GSE1: variants seen among roughly 807,000 people sequenced by gnomAD.
The protein encoded by GSE1 is genetic suppressor element 1.
GSE1 carries 32 observed loss-of-function variants against 112.6 expected under a neutral mutation model. The ratio of observed to expected loss-of-function variants is 0.28; its 90% CI spans 0.21 to 0.38. The LOEUF is 0.38. GSE1 is among the 10% of genes least tolerant of loss of function. The probability of loss-of-function intolerance (pLI) is 1.00; values close to 1 mark genes in which losing one functional copy is unlikely to be tolerated. For synonymous variants in GSE1, 1,115 were observed against 735.6 expected (o/e 1.52, Z -8.35); for missense variants, 2,348 against 1,699.2 (o/e 1.38, Z -6.71).
intron 2 of GSE1, among the ~76,000 whole-genome samples, chr16:85,639,005 C>T (rs1383352100): frequency 6.6e-6 from 1 of 152,172 alleles, no homozygotes; most frequent in Non-Finnish European, 1.5e-5. Context: ...GGGCCCCACG[C>T]AGAACATTCT....
intron 1 of GSE1, among the ~76,000 whole-genome samples, chr16:85,201,967 AAGAGAG>A (rs1219685877): frequency 6.6e-6 from 1 of 152,190 alleles, no homozygotes; most frequent in Admixed American, 6.5e-5. Flanking sequence ...TGTGGATGGT[AAGAGAG>A]AGAGATACAT....
At chr16:85,644,640 G>A (rs61614795) in intron 2 of GSE1, among the ~76,000 whole-genome samples, 4,956 of 152,258 alleles carry the variant, frequency 0.033, 149 homozygotes, top group South Asian at 0.087. Flanking sequence ...GAGCCAATGC[G>A]TGCGGGGCCT....
At chr16:85,237,801 G>A (rs772978703) in intron 1 of GSE1, among the ~76,000 whole-genome samples, 2 of 150,846 alleles carry the variant, frequency 1.3e-5, no homozygotes, top group South Asian at 2.1e-4. Flanking sequence ...TCGCGCCACC[G>A]CACTCCAGTC....
intron 1 of GSE1, among the ~76,000 whole-genome samples, chr16:85,199,986 C>G (rs1055988975): frequency 3.9e-5 from 6 of 152,182 alleles, no homozygotes; most frequent in Non-Finnish European, 5.9e-5. Flanking sequence ...CCACCAGCCC[C>G]TGCCTGACTT....
intron 2 of GSE1, among the ~76,000 whole-genome samples, chr16:85,515,730 G>A (rs1444101195): frequency 6.6e-6 from 1 of 152,110 alleles, no homozygotes; most frequent in African/African-American, 2.4e-5. Context: ...GAGGTCTGAG[G>A]CTAGGATGGG....
chr16:85,316,212 A>G (rs1365062810), intron 1 of GSE1, among the ~76,000 whole-genome samples: 3 of 152,266 alleles, frequency 2.0e-5, no homozygotes, highest in Non-Finnish European at 2.9e-5. Flanking sequence ...CACGCTTTTA[A>G]AAAGGAAAAG....
At chr16:85,473,224 C>G (rs1292627781) in intron 2 of GSE1, among the ~76,000 whole-genome samples, 2 of 152,234 alleles carry the variant, frequency 1.3e-5, no homozygotes, top group South Asian at 2.1e-4. Flanking sequence ...GTAAAAGGTA[C>G]AGGTCCCTGG....
chr16:85,279,167 A>C (rs2044779861), intron 1 of GSE1: 1 of 152,276 alleles, frequency 6.6e-6, no homozygotes, highest in Non-Finnish European at 1.5e-5. Flanking sequence ...TCAGGGCTAC[A>C]GGGCGATAAA....
At chr16:85,629,108 C>T (rs2049320379) in intron 1 of GSE1, among the ~76,000 whole-genome samples, 1 of 152,226 alleles carries the variant, frequency 6.6e-6, no homozygotes, top group Non-Finnish European at 1.5e-5. Flanking sequence ...GCTTCCCTCG[C>T]CTTCCGCCAT....
Position 85,413,272 on chromosome 16 carries a change from A to T in GSE1, c.2464+55629A>T, listed in dbSNP as rs973337782. On this transcript the variant is annotated intron_variant, in intron 2 of 2. Transcript: ENST00000637419. ...ACGAGAGTGTGGGACACGGGGAACG[A>T]GGTGGGTTGAGGGTTGGGAAGCCAA... Among the ~76,000 whole-genome samples, 11 of 152,192 alleles carry T rather than the reference A, an allele frequency of 7.2e-5. No homozygotes were observed. The South Asian group carries it at 2.3e-3, about 32-fold the overall frequency.
In GSE1 at chr16:85,661,523, C is replaced by A; in HGVS notation, c.2018C>A (p.Pro673His). 2 of 1,612,114 alleles carry A rather than the reference C, an allele frequency of 1.2e-6. No individual in the cohort carries two copies. Among genetic ancestry groups the A allele is most frequent in the Non-Finnish European group, 1.7e-6 (2 of 1,179,740 alleles). The change falls in exon 9 of 16, where the codon CCC becomes CAC. Residue 673 changes from proline (P) to histidine (H), a missense_variant. Physicochemically the swap from Pro to His is moderately conservative, Grantham distance 77. Transcript: ENST00000253458. ...CAGCCCTTCCTGCCCGGGCCCGGGCCCTTCCTGGCTGAGCTCGAGAAGTCC... is the reference window on the plus strand; with the variant it reads ...CAGCCCTTCCTGCCCGGGCCCGGGCACTTCCTGGCTGAGCTCGAGAAGTCC... ...EHQPFLPGPG[P>H]FLAELEKSTQ...
Position 85,635,829 on chromosome 16 carries a change from G to C in GSE1, c.226+1697G>C, listed in dbSNP as rs538621666. On this transcript the variant is annotated intron_variant, in intron 2 of 15. Transcript: ENST00000253458. ...CCCTGGGTAACGCTGCAGAGGACGTGGTCAGGAAAGGGCAGGTTTCCCTCC... is the reference window on the plus strand; with the variant it reads ...CCCTGGGTAACGCTGCAGAGGACGTCGTCAGGAAAGGGCAGGTTTCCCTCC... Among the ~76,000 whole-genome samples the C allele has an allele frequency of 2.4e-4, 37 of 152,338 alleles. 1 individual carries two copies. In the South Asian group the frequency reaches 6.6e-3, roughly 27 times the overall value.
chr16:85,193,371 A>C (rs1344137894), intron 1 of GSE1, among the ~76,000 whole-genome samples: 1 of 152,112 alleles, frequency 6.6e-6, no homozygotes, highest in African/African-American at 2.4e-5. Flanking sequence ...GAGGCAGGAT[A>C]TTGCTCAGTC....
chr16:85,177,139 C>T (rs1479751012), intron 1 of GSE1, among the ~76,000 whole-genome samples: 2 of 152,192 alleles, frequency 1.3e-5, no homozygotes, highest in African/African-American at 2.4e-5. Flanking sequence ...GAAGTGAAGG[C>T]GAAAGGTCTT....
rs2045828368 is a variant in GSE1 at position 85,311,033 on chromosome 16, G to A, written c.2284-46430G>A. Reference sequence around the variant, plus strand: ...ATATAAACCCAGCCGCCTTTCCGCGGCCGTCAGCAATGGCCATGGCTCTGT... The same window carrying A: ...ATATAAACCCAGCCGCCTTTCCGCGACCGTCAGCAATGGCCATGGCTCTGT... On this transcript the variant is annotated intron_variant, in intron 1 of 2. Transcript: ENST00000637419. The surrounding 1 kb of genome is among the most constrained non-coding windows in gnomAD (Gnocchi z 4.2). Among the ~76,000 whole-genome samples the A allele has an allele frequency of 6.6e-6, 1 of 152,240 alleles. No homozygotes were observed. Among genetic ancestry groups the A allele is most frequent in the Non-Finnish European group, 1.5e-5 (1 of 68,034 alleles).
At chr16:85,203,157 G>A (rs2075058911) in intron 1 of GSE1, among the ~76,000 whole-genome samples, 1 of 151,832 alleles carries the variant, frequency 6.6e-6, no homozygotes, top group Admixed American at 6.6e-5. Flanking sequence ...GCTCACACCT[G>A]GCTCTGGGGC....
Position 85,628,856 on chromosome 16 carries a change from G to A in GSE1, c.8-5058G>A, listed in dbSNP as rs919632530. ...ATCTGGGGTCTGGTCTGGGACTCGCGCCATGGCCTCTGTGTACCACTGATA... is the reference window on the plus strand; with the variant it reads ...ATCTGGGGTCTGGTCTGGGACTCGCACCATGGCCTCTGTGTACCACTGATA... On this transcript the variant is annotated intron_variant, in intron 1 of 15. Coordinates refer to ENST00000253458, the MANE Select transcript of GSE1 (RefSeq NM_014615.5). 3.9e-5 allele frequency among the ~76,000 whole-genome samples: 6 copies of A among 152,268 alleles called. No homozygotes were observed. The East Asian group carries it at 7.7e-4, about 20-fold the overall frequency.
chr16:85,393,696 G>A (rs2047900403), intron 2 of GSE1, among the ~76,000 whole-genome samples: 1 of 152,234 alleles, frequency 6.6e-6, no homozygotes, highest in Non-Finnish European at 1.5e-5. Context: ...CAGGGGACCT[G>A]CACCCAGGAG....
intron 1 of GSE1, among the ~76,000 whole-genome samples, chr16:85,623,805 C>T (rs1182171365): frequency 1.3e-5 from 2 of 152,204 alleles, no homozygotes; most frequent in African/African-American, 2.4e-5. Flanking sequence ...TTTCTGCCCC[C>T]GCGCCACCTC....
Sources: gnomAD v4.1 joint callset for allele counts (sites outside exome capture counted in the v4.1 genomes callset) on GRCh38, gnomAD v4.1.1 for gene constraint, Gnocchi (gnomAD v3.1) non-coding constraint, MANE v1.5 for transcripts, NCBI Gene and HGNC (gene_info 2026-07-23, HGNC 2026-07-21) for gene names.